Variants in BBX observed in about 807,000 individuals in gnomAD.
BBX encodes BBX high mobility group box domain containing, also known as HMG box transcription factor BBX.
BBX carries 30 observed loss-of-function variants against 100.2 expected under a neutral mutation model. The ratio of observed to expected loss-of-function variants is 0.30; its 90% CI spans 0.22 to 0.41. The LOEUF (loss-of-function observed/expected upper bound fraction) is 0.41, where lower values mean the gene tolerates loss of function less well. Ranked by LOEUF, BBX falls within the 10% of genes least tolerant of loss-of-function variation. The probability of loss-of-function intolerance (pLI) is 1.00; values close to 1 mark genes in which losing one functional copy is unlikely to be tolerated. For synonymous variants in BBX, 376 were observed against 388.1 expected, an observed-to-expected ratio of 0.97 and a Z score of 0.37; for missense variants, 1,023 against 1,129.8, an observed-to-expected ratio of 0.91 and a Z score of 1.35.
intron 2 of BBX, among the ~76,000 whole-genome samples, chr3:107,572,804 T>C (rs900588510): frequency 2.6e-5 from 4 of 152,168 alleles, no homozygotes; most frequent in Non-Finnish European, 5.9e-5. Context: ...CCAGGAAAAT[T>C]CCATGAAGAG....
intron 2 of BBX, among the ~76,000 whole-genome samples, chr3:107,583,510 G>A (rs1160349624): frequency 6.6e-6 from 1 of 151,876 alleles, no homozygotes; most frequent in Non-Finnish European, 1.5e-5. Context: ...GGAGTTGTAT[G>A]TGATATTTTG....
Position 107,773,855 on chromosome 3 carries a change from C to T in BBX, c.1915+219C>T, listed in dbSNP as rs759305964. Reference sequence around the variant, plus strand: ...GTGTATTCATTTTGTAGGTAGTTCTCAGGATGTAATTAAAGTAATTTTAAT... The same window carrying T: ...GTGTATTCATTTTGTAGGTAGTTCTTAGGATGTAATTAAAGTAATTTTAAT... On this transcript the variant is annotated intron_variant, in intron 11 of 17. Transcript: ENST00000325805. This position sits in a 1 kb window ranked among gnomAD's most constrained non-coding sequence, Gnocchi z 4.1. 8.5e-5 allele frequency among the ~76,000 whole-genome samples: 13 copies of T among 152,116 alleles called. No individual in the cohort carries two copies. Among genetic ancestry groups the T allele is most frequent in the Non-Finnish European group, 1.6e-4 (11 of 68,020 alleles).
chr3:107,529,837 T>G (rs1028955348), intron 2 of BBX, among the ~76,000 whole-genome samples: 3 of 152,158 alleles, frequency 2.0e-5, no homozygotes, highest in South Asian at 2.1e-4. Flanking sequence ...TTTTTTTTTT[T>G]GCTTTCAAGG....
Position 107,801,292 on chromosome 3 carries a change from G to C in BBX, c.2738+11G>C. Reference sequence around the variant, plus strand: ...GGAAAATGTGCACAGGTTAGTGGTAGAAGGTGGAAGGAGAAAGCAACATGG... The same window carrying C: ...GGAAAATGTGCACAGGTTAGTGGTACAAGGTGGAAGGAGAAAGCAACATGG... On this transcript the variant is annotated intron_variant, in intron 17 of 17. Transcript: ENST00000325805. The C allele has an allele frequency of 6.2e-7, 1 of 1,609,144 alleles. No individual in the cohort carries two copies. Among genetic ancestry groups the C allele is most frequent in the Non-Finnish European group, 8.5e-7 (1 of 1,177,402 alleles).
At chr3:107,795,079 T>C (rs144699137) in intron 15 of BBX, among the ~76,000 whole-genome samples, 1 of 152,332 alleles carries the variant, frequency 6.6e-6, no homozygotes, top group Non-Finnish European at 1.5e-5. Context: ...AAGAAATGAC[T>C]AATTTGTTTT....
chr3:107,733,122 C>A, intron 7 of BBX, 99 bp downstream of exon 7: 1 of 994,910 alleles, frequency 1.0e-6, no homozygotes, highest in Non-Finnish European at 1.5e-6. Context: ...TCACTGTTTA[C>A]AGCTCATGAA....
Position 107,810,629 on chromosome 3 carries a change from C to T in BBX, c.*5172C>T, listed in dbSNP as rs759931025. 11 of 152,340 alleles carry T rather than the reference C, an allele frequency of 7.2e-5. No individual in the cohort carries two copies. Among genetic ancestry groups the T allele is most frequent in the Non-Finnish European group, 1.5e-4 (10 of 68,026 alleles). 9.4% of individuals were successfully genotyped at this position (152,340 alleles called of 1,614,324 possible). ...GTCCCCTGACTCCTCACATGAGTGC[C>T]TCAGCTCTAAGAGCCGTGGAACGGG... On this transcript the variant is annotated 3_prime_UTR_variant, in exon 18 of 18. Transcript: ENST00000325805.
At chr3:107,571,209 G>A (rs1299206587) in intron 2 of BBX, among the ~76,000 whole-genome samples, 1 of 152,096 alleles carries the variant, frequency 6.6e-6, no homozygotes. Flanking sequence ...GGGGTGGTGA[G>A]CAGCCCTGGG....
At chr3:107,576,851 A>ATATT (rs1014501348) in intron 2 of BBX, among the ~76,000 whole-genome samples, 138 of 151,826 alleles carry the variant, frequency 9.1e-4, no homozygotes, top group African/African-American at 2.3e-3. Context: ...TTGCAAGAAG[A>ATATT]TATTTATTTA....
intron 12 of BBX, among the ~76,000 whole-genome samples, chr3:107,777,198 G>A (rs780572115): frequency 4.6e-5 from 7 of 152,054 alleles, no homozygotes; most frequent in African/African-American, 7.2e-5. Context: ...AGGAACAAAC[G>A]TAGCATATGT....
intron 2 of BBX, among the ~76,000 whole-genome samples, chr3:107,579,325 G>A (rs1401605917): frequency 1.3e-5 from 2 of 152,094 alleles, no homozygotes; most frequent in East Asian, 1.9e-4. Context: ...GAACAGTTGG[G>A]TCTTTCATCT....
At chr3:107,752,488 T>C (rs1304221953) in intron 9 of BBX, among the ~76,000 whole-genome samples, 1 of 152,204 alleles carries the variant, frequency 6.6e-6, no homozygotes, top group African/African-American at 2.4e-5. Flanking sequence ...TCTCCCAAGC[T>C]ACAATATTTA....
intron 3 of BBX, among the ~76,000 whole-genome samples, chr3:107,684,198 A>G (rs1421660540): frequency 6.6e-6 from 1 of 152,184 alleles, no homozygotes; most frequent in Non-Finnish European, 1.5e-5. Context: ...TATCTTCTCT[A>G]ACTGTTTAAC....
chr3:107,627,934 A>G (rs949531714), intron 2 of BBX, among the ~76,000 whole-genome samples: 2 of 152,002 alleles, frequency 1.3e-5, no homozygotes, highest in Non-Finnish European at 2.9e-5. Flanking sequence ...TTTTCTCACT[A>G]TAGCAATGAA....
intron 15 of BBX, among the ~76,000 whole-genome samples, chr3:107,792,006 C>T (rs1385996548): frequency 6.6e-6 from 1 of 152,072 alleles, no homozygotes; most frequent in Non-Finnish European, 1.5e-5. Context: ...AATAGAACAC[C>T]CTGAGGCTTA....
At chr3:107,605,206 T>C (rs993270292) in intron 2 of BBX, among the ~76,000 whole-genome samples, 5 of 152,206 alleles carry the variant, frequency 3.3e-5, no homozygotes, top group Middle Eastern at 3.2e-3. Context: ...AGCAGGTGAT[T>C]TGTGTACAGT....
chr3:107,760,500 C>G (rs1047829451), intron 10 of BBX, among the ~76,000 whole-genome samples: 2 of 152,298 alleles, frequency 1.3e-5, no homozygotes, highest in Admixed American at 1.3e-4. Context: ...GTATACAACT[C>G]CTGTCCTCAA....
chr3:107,791,975 T>G (rs551623957), intron 15 of BBX, among the ~76,000 whole-genome samples: 262 of 152,288 alleles, frequency 1.7e-3, no homozygotes, highest in African/African-American at 6.2e-3. Context: ...CACTCCAGCC[T>G]GGGCAACAAC....
intron 2 of BBX, among the ~76,000 whole-genome samples, chr3:107,624,524 G>A (rs938675028): frequency 2.0e-5 from 3 of 152,144 alleles, no homozygotes; most frequent in Non-Finnish European, 2.9e-5. Flanking sequence ...CACTAAAAAT[G>A]TATAACATAT....
Sources: allele counts gnomAD v4.1 joint callset (sites outside exome capture counted in the v4.1 genomes callset), GRCh38; gene constraint gnomAD v4.1.1; non-coding constraint Gnocchi (gnomAD v3.1); transcripts MANE v1.5; gene names NCBI Gene and HGNC (gene_info 2026-07-23, HGNC 2026-07-21).